Variants in PCDHA9 observed in about 807,000 individuals in gnomAD.
The protein encoded by PCDHA9 is protocadherin alpha-9.
Under a neutral mutation model 62.0 loss-of-function variants are expected in PCDHA9, and 62 were observed. The ratio of observed to expected loss-of-function variants is 1.00; its 90% CI spans 0.81 to 1.23. The LOEUF (loss-of-function observed/expected upper bound fraction) is 1.23. Among genes scored for constraint, PCDHA9 ranks in the 50% most tolerant of loss-of-function variants. The probability of loss-of-function intolerance (pLI) is 0.00; values close to 1 mark genes in which losing one functional copy is unlikely to be tolerated. For missense variants in PCDHA9, 1,205 were observed against 1,249.8 expected (o/e 0.96, Z 0.54); for synonymous variants, 557 against 567.6 (o/e 0.98, Z 0.27).
At position 140,977,800 on chromosome 5, in the gene PCDHA9, T is replaced by G. The variant is rs572772764; in HGVS notation, c.2395-1149T>G. On this transcript the variant is annotated intron_variant, in intron 1 of 3. Coordinates refer to ENST00000532602, the MANE Select transcript of PCDHA9 (RefSeq NM_031857.2). Reference sequence around the variant, plus strand: ...AAAGGAACTATATGAATGATAGGAATAAGAATTATTGACAGTTTTGAATGG... The same window carrying G: ...AAAGGAACTATATGAATGATAGGAAGAAGAATTATTGACAGTTTTGAATGG... Among the ~76,000 whole-genome samples, 3 of 152,356 alleles carry G rather than the reference T, an allele frequency of 2.0e-5. No individual in the cohort carries two copies. In the East Asian group the frequency reaches 5.8e-4, roughly 29 times the overall value.
intron 1 of PCDHA9, among the ~76,000 whole-genome samples, chr5:140,891,762 G>C (rs554912268): frequency 1.5e-3 from 234 of 152,268 alleles, no homozygotes; most frequent in African/African-American, 4.9e-3. Context: ...GTTGGGAGGT[G>C]GGGAATTTCA....
chr5:140,970,423 G>A (rs2096404787), intron 1 of PCDHA9, among the ~76,000 whole-genome samples: 1 of 151,762 alleles, frequency 6.6e-6, no homozygotes, highest in Admixed American at 6.6e-5. Context: ...AAGGTGTAGA[G>A]GCAGGTGTTA....
intron 1 of PCDHA9, among the ~76,000 whole-genome samples, chr5:140,873,200 T>C (rs1462660228): frequency 6.6e-6 from 1 of 152,228 alleles, no homozygotes; most frequent in Non-Finnish European, 1.5e-5. Context: ...GCTAAAAACA[T>C]TCTTTAAGTA....
At chr5:140,996,590 C>G (rs1325471388) in intron 3 of PCDHA9, among the ~76,000 whole-genome samples, 7 of 152,096 alleles carry the variant, frequency 4.6e-5, no homozygotes, top group African/African-American at 1.7e-4. Context: ...CAAGGGCCGC[C>G]TCCCCCCATT....
At chr5:140,943,326 G>A (rs1407826029) in intron 1 of PCDHA9, among the ~76,000 whole-genome samples, 10 of 149,948 alleles carry the variant, frequency 6.7e-5, no homozygotes, top group African/African-American at 2.5e-4. Flanking sequence ...ATATTGTGTA[G>A]TATCCATTGG....
chr5:140,871,748 A>T (rs1298018715), intron 1 of PCDHA9: 3 of 637,032 alleles, frequency 4.7e-6, no homozygotes, highest in Non-Finnish European at 7.7e-6. Flanking sequence ...TCCTAAAAGA[A>T]ATGAGATGCA....
rs1479171365 is a variant in PCDHA9, at chr5:140,869,633, A to AT, written c.2394+18749dup. 9 of 1,613,494 alleles carry AT rather than the reference A, an allele frequency of 5.6e-6. No homozygotes were observed. In the African/African-American group the frequency reaches 8.0e-5, roughly 14 times the overall value. On this transcript the variant is annotated intron_variant, in intron 1 of 3. Coordinates refer to ENST00000532602, the MANE Select transcript of PCDHA9 (RefSeq NM_031857.2). ...ACCTACAGGCTAAGTAAAAATGAGT[A>AT]TTTTTCTTTAGATTCACCAACAAAT...
chr5:140,954,842 T>C (rs1483926115), intron 1 of PCDHA9, among the ~76,000 whole-genome samples: 1 of 152,252 alleles, frequency 6.6e-6, no homozygotes, highest in Non-Finnish European at 1.5e-5. Flanking sequence ...ATGAAATCTT[T>C]GCCTGTGCCT....
At chr5:140,879,297 A>G (rs573154436) in intron 1 of PCDHA9, among the ~76,000 whole-genome samples, 1 of 152,346 alleles carries the variant, frequency 6.6e-6, no homozygotes, top group African/African-American at 2.4e-5. Flanking sequence ...TAAGAGAAAA[A>G]CAAAAGTAGA....
chr5:140,856,177 C>T (rs200004763), intron 1 of PCDHA9: 1 of 1,598,248 alleles, frequency 6.3e-7, no homozygotes, highest in Non-Finnish European at 8.6e-7. Context: ...ACGGCACCTT[C>T]GTGGGCCGCA....
At chr5:140,855,129 T>A (rs1294464792) in intron 1 of PCDHA9, among the ~76,000 whole-genome samples, 1 of 149,788 alleles carries the variant, frequency 6.7e-6, no homozygotes, top group African/African-American at 2.4e-5. Context: ...TAGGTAATAA[T>A]TTTGCCTGAT....
chr5:140,897,345 C>A (rs1291203410), intron 1 of PCDHA9, among the ~76,000 whole-genome samples: 2 of 126,562 alleles, frequency 1.6e-5, no homozygotes, highest in African/African-American at 6.0e-5. Flanking sequence ...CCCCCCACCC[C>A]ACAACTGTCC....
chr5:140,851,837 A>G (rs2042175202), intron 1 of PCDHA9: 1 of 970,268 alleles, frequency 1.0e-6, no homozygotes, highest in Non-Finnish European at 1.2e-6. Context: ...TTTTAAAAAT[A>G]TCTTTTTCTC....
intron 1 of PCDHA9, chr5:140,884,560 G>A: frequency 6.2e-7 from 1 of 1,614,132 alleles, no homozygotes; most frequent in African/African-American, 1.3e-5. Context: ...GGGAGGGCCC[G>A]CATAAGACGG....
At chr5:140,943,791 C>G (rs74565063) in intron 1 of PCDHA9, among the ~76,000 whole-genome samples, 2,339 of 152,200 alleles carry the variant, frequency 0.015, 18 homozygotes, top group Middle Eastern at 0.027. Flanking sequence ...GTCCTTTATG[C>G]AAAGCAAAAG....
chr5:140,946,374 C>T (rs1371899868), intron 1 of PCDHA9, among the ~76,000 whole-genome samples: 5 of 151,656 alleles, frequency 3.3e-5, no homozygotes, highest in African/African-American at 9.7e-5. Flanking sequence ...CTCTTGCACA[C>T]GGTTGGTAGG....
At chr5:140,900,559 G>A (rs542075943) in intron 1 of PCDHA9, among the ~76,000 whole-genome samples, 2 of 152,314 alleles carry the variant, frequency 1.3e-5, no homozygotes, top group African/African-American at 2.4e-5. Context: ...TTACAGGCGT[G>A]AGCCACGGCA....
At chr5:140,967,142 C>T in intron 1 of PCDHA9, 1 of 1,611,304 alleles carries the variant, frequency 6.2e-7, no homozygotes, top group Non-Finnish European at 8.5e-7. Flanking sequence ...AGTGCTGGCG[C>T]ACAACCCCGT....
intron 3 of PCDHA9, among the ~76,000 whole-genome samples, chr5:140,992,388 G>A (rs2097508351): frequency 6.6e-6 from 1 of 152,120 alleles, no homozygotes; most frequent in Non-Finnish European, 1.5e-5. Context: ...TTGTGTTCTG[G>A]ACTTAGAGAT....
Sources: allele counts gnomAD v4.1 joint callset (sites outside exome capture counted in the v4.1 genomes callset), GRCh38; gene constraint gnomAD v4.1.1; transcripts MANE v1.5; gene names NCBI Gene and HGNC (gene_info 2026-07-23, HGNC 2026-07-21).